Variants in RASA1 observed in about 807,000 individuals in gnomAD.
RASA1 encodes the protein ras GTPase-activating protein 1.
In RASA1, 25 loss-of-function variants were observed where a neutral mutation model predicts 132.2. That is an observed-to-expected ratio of 0.19 (90% CI 0.14 to 0.26). The LOEUF is 0.26. RASA1 is among the 10% of genes least tolerant of loss of function. The pLI is 1.00. For missense variants in RASA1, 964 were observed against 1,299.2 expected (o/e 0.74, Z 3.97); for synonymous variants, 477 against 449.9 (o/e 1.06, Z -0.76).
intron 1 of RASA1, among the ~76,000 whole-genome samples, chr5:87,306,302 A>T (rs1755607189): frequency 6.6e-6 from 1 of 152,200 alleles, no homozygotes; most frequent in Admixed American, 6.5e-5. Flanking sequence ...AAAGAACAAG[A>T]TTATGTCCTT....
At chr5:87,328,506 T>C (rs1016649454) in intron 1 of RASA1, among the ~76,000 whole-genome samples, 1 of 152,166 alleles carries the variant, frequency 6.6e-6, no homozygotes, top group Non-Finnish European at 1.5e-5. Context: ...TTTTTAAAAA[T>C]TGAGTATTTT....
intron 5 of RASA1, among the ~76,000 whole-genome samples, chr5:87,340,886 A>G (rs184141363): frequency 6.6e-6 from 1 of 152,180 alleles, no homozygotes; most frequent in Non-Finnish European, 1.5e-5. Flanking sequence ...AGTATGAGAC[A>G]GGAAATGTAG....
chr5:87,362,989 A>T (rs1275168330), intron 10 of RASA1, among the ~76,000 whole-genome samples: 4 of 151,646 alleles, frequency 2.6e-5, no homozygotes, highest in South Asian at 2.1e-4. Context: ...ATTTGACATA[A>T]CGACATTTTG....
rs550413806 is a variant in RASA1 at position 87,306,669 on chromosome 5, C to G, written c.540-24679C>G. Reference sequence around the variant, plus strand: ...TTTTTAGCATTTTTACTATGATATGCCTAGATGTGGCCTTTTTTTTAAGAA... The same window carrying G: ...TTTTTAGCATTTTTACTATGATATGGCTAGATGTGGCCTTTTTTTTAAGAA... On this transcript the variant is annotated intron_variant, in intron 1 of 24. Transcript: ENST00000274376. Among the ~76,000 whole-genome samples, 682 of 151,880 alleles carry G rather than the reference C, an allele frequency of 4.5e-3. 4 individuals carry two copies. Among genetic ancestry groups the G allele is most frequent in the African/African-American group, 0.016 (644 of 41,426 alleles).
chr5:87,307,485 A>G (rs1467341827), intron 1 of RASA1, among the ~76,000 whole-genome samples: 2 of 152,154 alleles, frequency 1.3e-5, no homozygotes, highest in Non-Finnish European at 2.9e-5. Flanking sequence ...AACAACAACA[A>G]CAACAACACA....
At chr5:87,312,838 C>T (rs1756020702) in intron 1 of RASA1, among the ~76,000 whole-genome samples, 1 of 152,082 alleles carries the variant, frequency 6.6e-6, no homozygotes, top group Admixed American at 6.5e-5. Flanking sequence ...GATCTTGCAT[C>T]CTAAATCTTT....
intron 1 of RASA1, chr5:87,318,780 CAT>C (rs993309584): frequency 4.6e-5 from 7 of 152,220 alleles, no homozygotes; most frequent in African/African-American, 1.7e-4. Flanking sequence ...ATTATTCTCA[CAT>C]GTCAAGACAC....
rs1561292521 is a variant in RASA1 at position 87,338,535 on chromosome 5, A to ATTT, written c.1017+444_1017+445insTTT. ...TATATATATATATATATATATATAA[A>ATTT]ATTTTTTTTTTTTTTAAGTAGAAAT... On this transcript the variant is annotated intron_variant, in intron 5 of 24. Coordinates refer to ENST00000274376, the MANE Select transcript of RASA1 (RefSeq NM_002890.3). Among the ~76,000 whole-genome samples the ATTT allele has an allele frequency of 7.6e-3, 727 of 95,858 alleles. 24 individuals are homozygous for ATTT. The highest frequency in any genetic ancestry group is 0.018 in the Middle Eastern group (3 of 166). The allele number at this position is 95,858 out of a possible 152,430, so 62.9% of individuals were successfully genotyped here.
At chr5:87,357,248 G>A (rs1315145275) in intron 9 of RASA1, among the ~76,000 whole-genome samples, 1 of 151,746 alleles carries the variant, frequency 6.6e-6, no homozygotes, top group Non-Finnish European at 1.5e-5. Flanking sequence ...ATATATATAT[G>A]TTTTATATAT....
At chr5:87,276,610 G>A (rs1034221884) in intron 1 of RASA1, among the ~76,000 whole-genome samples, 3 of 152,158 alleles carry the variant, frequency 2.0e-5, no homozygotes, top group African/African-American at 7.2e-5. Context: ...CTACAGATAC[G>A]TTGTGCAGGT....
intron 22 of RASA1, among the ~76,000 whole-genome samples, chr5:87,385,960 A>G (rs1366337402): frequency 6.6e-6 from 1 of 151,934 alleles, no homozygotes; most frequent in Admixed American, 6.6e-5. Flanking sequence ...TTCCTTTCAT[A>G]CTTACTCAAT....
chr5:87,277,896 T>A (rs1290966754), intron 1 of RASA1, among the ~76,000 whole-genome samples: 1 of 152,122 alleles, frequency 6.6e-6, no homozygotes, highest in African/African-American at 2.4e-5. Flanking sequence ...CATGTCTGAT[T>A]ATTATAGTGT....
At chr5:87,339,360 C>G (rs1264402972) in intron 5 of RASA1, among the ~76,000 whole-genome samples, 2 of 152,080 alleles carry the variant, frequency 1.3e-5, no homozygotes, top group Non-Finnish European at 2.9e-5. Context: ...GATTAGTATT[C>G]TGTATTCTAC....
chr5:87,390,122 T>C (rs1429767867), intron 24 of RASA1, among the ~76,000 whole-genome samples: 2 of 152,208 alleles, frequency 1.3e-5, no homozygotes, highest in African/African-American at 4.8e-5. Context: ...CAGATAAGGA[T>C]GTATTCAAAG....
intron 1 of RASA1, among the ~76,000 whole-genome samples, chr5:87,315,446 G>A (rs1303251885): frequency 2.0e-5 from 3 of 152,106 alleles, no homozygotes; most frequent in Non-Finnish European, 4.4e-5. Flanking sequence ...CCTCACAAAG[G>A]TAGGCCTCAC....
chr5:87,333,230 C>G (rs1254506714), intron 3 of RASA1, 37 bp from the exon 4 acceptor site: 3 of 1,604,978 alleles, frequency 1.9e-6, no homozygotes, highest in Non-Finnish European at 2.6e-6. Flanking sequence ...GATAAAAAGA[C>G]TATCTTTTTA....
At chr5:87,315,601 T>A (rs1756268296) in intron 1 of RASA1, among the ~76,000 whole-genome samples, 1 of 152,244 alleles carries the variant, frequency 6.6e-6, no homozygotes, top group African/African-American at 2.4e-5. Flanking sequence ...CTTTTGGGTT[T>A]TTCAGAGACC....
chr5:87,325,936 C>T (rs1468168134), intron 1 of RASA1, among the ~76,000 whole-genome samples: 4 of 152,128 alleles, frequency 2.6e-5, no homozygotes, highest in African/African-American at 9.7e-5. Flanking sequence ...TAAGGCCCTT[C>T]GGATGTGTTC....
intron 11 of RASA1, among the ~76,000 whole-genome samples, chr5:87,364,474 G>T (rs1277438954): frequency 6.6e-6 from 1 of 152,046 alleles, no homozygotes; most frequent in Non-Finnish European, 1.5e-5. Context: ...AAAATAGTAT[G>T]AATTACTTCA....
Sources: allele counts gnomAD v4.1 joint callset (sites outside exome capture counted in the v4.1 genomes callset), GRCh38; gene constraint gnomAD v4.1.1; transcripts MANE v1.5; gene names NCBI Gene and HGNC (gene_info 2026-07-23, HGNC 2026-07-21).